The following SOCS5 variants were observed in gnomAD, a reference collection of about 807,000 sequenced individuals.
SOCS5 encodes CIS-6.
SOCS5 carries 32 observed loss-of-function variants against 42.8 expected under a neutral mutation model. That is an observed-to-expected ratio of 0.75 (90% confidence interval 0.56 to 1.01). The LOEUF (loss-of-function observed/expected upper bound fraction) is 1.01, where lower values mean the gene tolerates loss of function less well. Ranked by LOEUF, SOCS5 falls within the 50% of genes least tolerant of loss-of-function variation. The pLI is 0.00. For missense variants in SOCS5, 627 were observed against 653.0 expected (o/e 0.96, Z 0.43); for synonymous variants, 283 against 229.6 (o/e 1.23, Z -2.10).
Position 46,759,777 on chromosome 2 carries a change from CTG to C in SOCS5, c.1250_1251del (p.Val417GlufsTer14). On this transcript the variant is annotated frameshift_variant, in exon 2 of 2. Transcript: ENST00000394861. LOFTEE classifies it high-confidence loss of function. ...TCTGCGCAAGAGGACTACCTCTTCT[CTG>C]TGAGCTTCCGCCGCTACAACAGATC... 6.2e-7 allele frequency: 1 copy of C among 1,614,182 alleles called. No individual in the cohort carries two copies. Among genetic ancestry groups the C allele is most frequent in the Non-Finnish European group, 8.5e-7 (1 of 1,180,008 alleles).
At chr2:46,725,798 G>A (rs574686248) in intron 1 of SOCS5, among the ~76,000 whole-genome samples, 28 of 152,094 alleles carry the variant, frequency 1.8e-4, no homozygotes, top group African/African-American at 6.3e-4. Context: ...CCTTCAGAGT[G>A]GATCTGCTGG....
intron 1 of SOCS5, among the ~76,000 whole-genome samples, chr2:46,744,119 A>T (rs1360958974): frequency 6.6e-6 from 1 of 151,824 alleles, no homozygotes; most frequent in Non-Finnish European, 1.5e-5. Flanking sequence ...CCTCCCTAGT[A>T]GCTGGGATTA....
intron 1 of SOCS5, among the ~76,000 whole-genome samples, chr2:46,742,583 T>G (rs1169384282): frequency 6.6e-6 from 1 of 152,208 alleles, no homozygotes; most frequent in Non-Finnish European, 1.5e-5. Flanking sequence ...TTTTGATCAT[T>G]GCCTTTTGGT....
At chr2:46,713,730 G>A (rs904736296) in intron 1 of SOCS5, among the ~76,000 whole-genome samples, 1 of 151,870 alleles carries the variant, frequency 6.6e-6, no homozygotes, top group East Asian at 1.9e-4. Flanking sequence ...CTAGTTTTAA[G>A]TGAAAGCTTA....
intron 1 of SOCS5, among the ~76,000 whole-genome samples, chr2:46,719,660 G>A (rs1672836476): frequency 6.6e-6 from 1 of 152,056 alleles, no homozygotes; most frequent in Non-Finnish European, 1.5e-5. Context: ...TGCTCTTTAG[G>A]AACTCACTGT....
In SOCS5 at chr2:46,739,291, G is replaced by A. The variant is rs140709460; in HGVS notation, c.-12-19228G>A. 3.0e-3 allele frequency among the ~76,000 whole-genome samples: 457 copies of A among 152,228 alleles called. 3 individuals carry two copies. The highest frequency in any genetic ancestry group is 0.011 in the African/African-American group (446 of 41,542). On this transcript the variant is annotated intron_variant, in intron 1 of 1. Coordinates refer to ENST00000394861, the MANE Select transcript of SOCS5 (RefSeq NM_144949.3). Reference sequence around the variant, plus strand: ...TAATATCTTACAGGAATGATAGTTCGAAAGGTAATATAATTAGAGAAATAA... The same window carrying A: ...TAATATCTTACAGGAATGATAGTTCAAAAGGTAATATAATTAGAGAAATAA...
chr2:46,706,128 C>T (rs1672458323), intron 1 of SOCS5, among the ~76,000 whole-genome samples: 2 of 152,238 alleles, frequency 1.3e-5, no homozygotes, highest in Non-Finnish European at 2.9e-5. Flanking sequence ...AAGGGGTTAT[C>T]ATATTTTGAC....
chr2:46,739,043 C>T (rs1333061869), intron 1 of SOCS5, among the ~76,000 whole-genome samples: 1 of 152,124 alleles, frequency 6.6e-6, no homozygotes, highest in Non-Finnish European at 1.5e-5. Context: ...TTAATTTTTA[C>T]ACCATTTGAA....
chr2:46,718,914 C>T (rs943911664), intron 1 of SOCS5, among the ~76,000 whole-genome samples: 2 of 152,130 alleles, frequency 1.3e-5, no homozygotes, highest in African/African-American at 4.8e-5. Context: ...AATGTTCATA[C>T]CCTTTGCCCA....
chr2:46,711,088 C>T (rs991118968), intron 1 of SOCS5, among the ~76,000 whole-genome samples: 1 of 152,100 alleles, frequency 6.6e-6, no homozygotes, highest in African/African-American at 2.4e-5. Context: ...CAGTTTTCAA[C>T]TGTTAATGAA....
At chr2:46,714,636 A>G (rs919632291) in intron 1 of SOCS5, among the ~76,000 whole-genome samples, 7 of 152,184 alleles carry the variant, frequency 4.6e-5, no homozygotes, top group Non-Finnish European at 8.8e-5. Context: ...TATGGCTGGC[A>G]GGTTAAATCT....
intron 1 of SOCS5, among the ~76,000 whole-genome samples, chr2:46,716,290 G>A (rs1332839084): frequency 7.1e-6 from 1 of 141,650 alleles, no homozygotes; most frequent in Non-Finnish European, 1.5e-5. Context: ...GCCATTTCTT[G>A]GTCCTTATTG....
intron 1 of SOCS5, among the ~76,000 whole-genome samples, chr2:46,738,551 C>A (rs1673302684): frequency 6.6e-6 from 1 of 152,124 alleles, no homozygotes; most frequent in Non-Finnish European, 1.5e-5. Flanking sequence ...TGGAGAATAG[C>A]CAGATTGGGA....
chr2:46,718,784 G>C (rs1288429524), intron 1 of SOCS5, among the ~76,000 whole-genome samples: 1 of 152,130 alleles, frequency 6.6e-6, no homozygotes, highest in Non-Finnish European at 1.5e-5. Context: ...ATCAATAATT[G>C]TGTGCTCCAA....
At chr2:46,722,077 T>C (rs1672897023) in intron 1 of SOCS5, among the ~76,000 whole-genome samples, 1 of 152,080 alleles carries the variant, frequency 6.6e-6, no homozygotes, top group Non-Finnish European at 1.5e-5. Flanking sequence ...TTGTATATAC[T>C]CTGTTTGCTT....
intron 1 of SOCS5, among the ~76,000 whole-genome samples, chr2:46,752,197 A>T (rs916712832): frequency 2.0e-5 from 3 of 148,816 alleles, no homozygotes; most frequent in African/African-American, 7.5e-5. Context: ...GAGTATTACC[A>T]CCTGAGCTCT....
chr2:46,730,825 C>T (rs761190136), intron 1 of SOCS5, among the ~76,000 whole-genome samples: 15 of 152,180 alleles, frequency 9.9e-5, no homozygotes, highest in African/African-American at 2.6e-4. Flanking sequence ...GCTAGGATAT[C>T]GGATTAGTAG....
intron 1 of SOCS5, among the ~76,000 whole-genome samples, chr2:46,717,518 G>T (rs1461191065): frequency 6.6e-6 from 1 of 151,896 alleles, no homozygotes; most frequent in Non-Finnish European, 1.5e-5. Flanking sequence ...AACAATTTCG[G>T]GTTAACGGTT....
rs1423664532 is a variant in SOCS5 at position 46,760,942 on chromosome 2, G to A, written c.*801G>A. Reference sequence around the variant, plus strand: ...TTGTTGTTTCATAAAAGTTGGATCTGTTCCTATGCCCAGGATGATTTTGTG... The same window carrying A: ...TTGTTGTTTCATAAAAGTTGGATCTATTCCTATGCCCAGGATGATTTTGTG... On this transcript the variant is annotated 3_prime_UTR_variant, in exon 2 of 2. Coordinates refer to ENST00000394861, the MANE Select transcript of SOCS5 (RefSeq NM_144949.3). 2 of 167,038 alleles carry A rather than the reference G, an allele frequency of 1.2e-5. No homozygotes were observed. The highest frequency in any genetic ancestry group is 4.8e-5 in the African/African-American group (2 of 41,434). The allele number at this position is 167,038 out of a possible 1,614,324, so 10.3% of individuals were successfully genotyped here.
Sources: allele counts gnomAD v4.1 joint callset (sites outside exome capture counted in the v4.1 genomes callset), GRCh38; gene constraint gnomAD v4.1.1; transcripts MANE v1.5; gene names NCBI Gene and HGNC (gene_info 2026-07-23, HGNC 2026-07-21).